RAB3C: variants seen among roughly 807,000 people sequenced by gnomAD.
The protein encoded by RAB3C is ras-related protein Rab-3C.
RAB3C carries 17 observed loss-of-function variants against 26.4 expected under a neutral mutation model. The ratio of observed to expected loss-of-function variants is 0.64; its 90% confidence interval spans 0.44 to 0.97. The LOEUF is 0.97. Ranked by LOEUF, RAB3C falls within the 50% of genes least tolerant of loss-of-function variation. The probability of loss-of-function intolerance (pLI) is 0.00; values close to 1 mark genes in which losing one functional copy is unlikely to be tolerated. For missense variants in RAB3C, 242 were observed against 281.9 expected (o/e 0.86, Z 1.01); for synonymous variants, 91 against 95.9 (o/e 0.95, Z 0.30).
At chr5:58,809,461 AAGTT>A (rs1743020341) in intron 3 of RAB3C, among the ~76,000 whole-genome samples, 1 of 152,180 alleles carries the variant, frequency 6.6e-6, no homozygotes, top group African/African-American at 2.4e-5. Context: ...ATCTTTTTAA[AAGTT>A]AGTGCTAGGC....
At chr5:58,821,639 G>T (rs1475081738) in intron 3 of RAB3C, among the ~76,000 whole-genome samples, 4 of 152,194 alleles carry the variant, frequency 2.6e-5, no homozygotes, top group Non-Finnish European at 4.4e-5. Flanking sequence ...AATTAGAAAG[G>T]TCGTATTGTT....
chr5:58,834,783 T>C (rs1167600460), intron 4 of RAB3C, among the ~76,000 whole-genome samples: 5 of 152,218 alleles, frequency 3.3e-5, no homozygotes, highest in Admixed American at 6.5e-5. Flanking sequence ...GGTTTAGGTG[T>C]GGTCATATCC....
chr5:58,592,803 G>A (rs1746162715), intron 1 of RAB3C, among the ~76,000 whole-genome samples: 3 of 151,934 alleles, frequency 2.0e-5, no homozygotes, highest in African/African-American at 7.3e-5. Flanking sequence ...TGTATGTAAT[G>A]TCATTTTTTT....
intron 1 of RAB3C, among the ~76,000 whole-genome samples, chr5:58,612,949 G>A: frequency 6.6e-6 from 1 of 152,052 alleles, no homozygotes. Flanking sequence ...AGTATGAAAC[G>A]TAATAACTTT....
rs959354527 is a variant in RAB3C, at chr5:58,857,439, G to A, written c.*6088G>A. The A allele has an allele frequency of 9.9e-5, 15 of 152,052 alleles. No homozygotes were observed. The highest frequency in any genetic ancestry group is 3.4e-4 in the African/African-American group (14 of 41,412). 9.4% of individuals were successfully genotyped at this position (152,052 alleles called of 1,614,324 possible). On this transcript the variant is annotated 3_prime_UTR_variant, in exon 5 of 5. Coordinates refer to ENST00000282878, the MANE Select transcript of RAB3C (RefSeq NM_138453.4). ...TTCTATAACTCAAAATTTTCTTTAA[G>A]TGTCATATAAAAGTGTACATTTTAC...
At chr5:58,729,760 TAC>T (rs1195729615) in intron 3 of RAB3C, among the ~76,000 whole-genome samples, 1 of 143,414 alleles carries the variant, frequency 7.0e-6, no homozygotes, top group African/African-American at 2.7e-5. Flanking sequence ...TTTATATATA[TAC>T]ACATATACAT....
chr5:58,851,071 C>A, intron 4 of RAB3C, 93 bp from the exon 5 acceptor site: 1 of 1,239,258 alleles, frequency 8.1e-7, no homozygotes, highest in Non-Finnish European at 1.1e-6. Flanking sequence ...GATGTCTCAC[C>A]ATCACCTCAT....
intron 2 of RAB3C, among the ~76,000 whole-genome samples, chr5:58,716,275 G>C (rs548572648): frequency 6.6e-6 from 1 of 152,030 alleles, no homozygotes; most frequent in South Asian, 2.1e-4. Context: ...AAAATGAATG[G>C]GGTTTGAAAT....
intron 2 of RAB3C, among the ~76,000 whole-genome samples, chr5:58,708,303 T>C (rs905826226): frequency 1.3e-5 from 2 of 152,210 alleles, no homozygotes; most frequent in Non-Finnish European, 2.9e-5. Flanking sequence ...TCCTTCATCC[T>C]TCTATGAACG....
chr5:58,758,968 G>A (rs1037009970), intron 3 of RAB3C, among the ~76,000 whole-genome samples: 1 of 151,896 alleles, frequency 6.6e-6, no homozygotes, highest in Admixed American at 6.6e-5. Flanking sequence ...CTTTAGATTT[G>A]ACATTTCCAA....
At chr5:58,632,718 G>A (rs1053074623) in intron 2 of RAB3C, among the ~76,000 whole-genome samples, 26 of 152,172 alleles carry the variant, frequency 1.7e-4, no homozygotes, top group African/African-American at 5.1e-4. Flanking sequence ...AAGCTTAAGA[G>A]CTTCTGACAT....
intron 3 of RAB3C, chr5:58,794,521 A>C (rs891465188): frequency 1.3e-5 from 2 of 152,190 alleles, no homozygotes; most frequent in African/African-American, 4.8e-5. Flanking sequence ...GCTTTAAAAA[A>C]AAAAAACATT....
intron 2 of RAB3C, among the ~76,000 whole-genome samples, chr5:58,663,141 T>C (rs1291088904): frequency 1.3e-5 from 2 of 150,288 alleles, no homozygotes; most frequent in Non-Finnish European, 2.9e-5. Context: ...TATGTCTAAA[T>C]ATACAAAGTA....
At chr5:58,720,850 C>T (rs1209933030) in intron 2 of RAB3C, among the ~76,000 whole-genome samples, 1 of 151,726 alleles carries the variant, frequency 6.6e-6, no homozygotes, top group Non-Finnish European at 1.5e-5. Context: ...CGGTTACTCC[C>T]ATTTTCCCTT....
intron 3 of RAB3C, among the ~76,000 whole-genome samples, chr5:58,736,537 TCTTA>T (rs1055357672): frequency 3.3e-5 from 5 of 152,352 alleles, no homozygotes; most frequent in African/African-American, 1.2e-4. Flanking sequence ...CTTCACCTAC[TCTTA>T]CTTTGGACTT....
intron 3 of RAB3C, among the ~76,000 whole-genome samples, chr5:58,801,303 G>A (rs557829251): frequency 3.9e-5 from 6 of 152,320 alleles, no homozygotes; most frequent in African/African-American, 1.2e-4. Flanking sequence ...AACGATGAAC[G>A]ATGGGATGAG....
chr5:58,682,696 G>GAA (rs548127913), intron 2 of RAB3C, among the ~76,000 whole-genome samples: 53 of 73,908 alleles, frequency 7.2e-4, no homozygotes, highest in African/African-American at 2.0e-3. Flanking sequence ...AAAGAAAAAA[G>GAA]AAAAAAAAAA....
chr5:58,693,475 T>C (rs1426321826), intron 2 of RAB3C, among the ~76,000 whole-genome samples: 1 of 151,400 alleles, frequency 6.6e-6, no homozygotes, highest in African/African-American at 2.4e-5. Context: ...ATATATCTTG[T>C]TTAATACAAA....
At chr5:58,833,339 C>T (rs1743662928) in intron 4 of RAB3C, among the ~76,000 whole-genome samples, 1 of 151,740 alleles carries the variant, frequency 6.6e-6, no homozygotes, top group Non-Finnish European at 1.5e-5. Context: ...CACACACACA[C>T]ACACACACAC....
Sources: gnomAD v4.1 joint callset for allele counts (sites outside exome capture counted in the v4.1 genomes callset) on GRCh38, gnomAD v4.1.1 for gene constraint, MANE v1.5 for transcripts, NCBI Gene and HGNC (gene_info 2026-07-23, HGNC 2026-07-21) for gene names.